CDC73: variants seen among roughly 807,000 people sequenced by gnomAD.
CDC73 encodes the protein parafibromin.
CDC73 carries 21 observed loss-of-function variants against 83.7 expected under a neutral mutation model. That is an observed-to-expected ratio of 0.25 (90% CI 0.18 to 0.36). The LOEUF (loss-of-function observed/expected upper bound fraction) is 0.36. Among genes scored for constraint, CDC73 ranks in the 10% least tolerant of loss-of-function variants. CDC73 has a pLI of 1.00. For missense variants in CDC73, 342 were observed against 653.3 expected (o/e 0.52, Z 5.19); for synonymous variants, 224 against 212.9 (o/e 1.05, Z -0.45).
intron 6 of CDC73, among the ~76,000 whole-genome samples, chr1:193,141,484 T>C (rs1226931196): frequency 6.6e-6 from 1 of 152,176 alleles, no homozygotes; most frequent in South Asian, 2.1e-4. Context: ...GGATGGATTT[T>C]TTACCTCCTT....
At chr1:193,140,544 T>C (rs1479374914) in intron 6 of CDC73, among the ~76,000 whole-genome samples, 1 of 152,176 alleles carries the variant, frequency 6.6e-6, no homozygotes, top group Non-Finnish European at 1.5e-5. Context: ...GCATCACTAC[T>C]CTTGTGTTTT....
intron 8 of CDC73, among the ~76,000 whole-genome samples, chr1:193,148,527 A>G (rs958525707): frequency 1.2e-4 from 18 of 152,172 alleles, no homozygotes; most frequent in Non-Finnish European, 2.1e-4. Flanking sequence ...ATTTTGTTGA[A>G]AATCCTTCCA....
intron 10 of CDC73, among the ~76,000 whole-genome samples, chr1:193,158,795 A>G (rs1467714331): frequency 2.0e-5 from 3 of 152,132 alleles, no homozygotes; most frequent in Non-Finnish European, 4.4e-5. Flanking sequence ...TATATATGTA[A>G]AAACTGTTTA....
rs578065254 is a variant in CDC73, at chr1:193,239,650, C to G, written c.1417+3294C>G. On this transcript the variant is annotated intron_variant, in intron 15 of 16. Coordinates refer to ENST00000367435, the MANE Select transcript of CDC73 (RefSeq NM_024529.5). ...AATATTTGTACATATTTATGGTGTA[C>G]ATGTGATATTTTGTTACATGGATAG... Among the ~76,000 whole-genome samples, 300 of 151,956 alleles carry G rather than the reference C, an allele frequency of 2.0e-3. 1 individual carries two copies. Among genetic ancestry groups the G allele is most frequent in the African/African-American group, 6.8e-3 (282 of 41,462 alleles).
chr1:193,185,734 T>A (rs1676795347), intron 10 of CDC73, among the ~76,000 whole-genome samples: 1 of 152,170 alleles, frequency 6.6e-6, no homozygotes, highest in Non-Finnish European at 1.5e-5. Flanking sequence ...GATTTTTTTT[T>A]AAGTTTAATT....
In CDC73 at chr1:193,202,613, CT is replaced by C. The variant is rs35435159; in HGVS notation, c.973-1164del. On this transcript the variant is annotated intron_variant, in intron 10 of 16. Transcript: ENST00000367435. Reference sequence around the variant, plus strand: ...AGGATATTTTGCTGTCCTCAGGTGTCTTTTTTTTTTTTTTTTTTCCTTCTTG... The same window carrying C: ...AGGATATTTTGCTGTCCTCAGGTGTCTTTTTTTTTTTTTTTTTCCTTCTTG... 8.1e-3 allele frequency among the ~76,000 whole-genome samples: 1,019 copies of C among 126,436 alleles called. 7 individuals are homozygous for C. Among genetic ancestry groups the C allele is most frequent in the African/African-American group, 0.017 (585 of 34,054 alleles). The allele number at this position is 126,436 out of a possible 152,430, so 82.9% of individuals were successfully genotyped here.
At chr1:193,174,221 G>T (rs1676566618) in intron 10 of CDC73, among the ~76,000 whole-genome samples, 1 of 151,730 alleles carries the variant, frequency 6.6e-6, no homozygotes, top group African/African-American at 2.4e-5. Flanking sequence ...CCTTCCAGTT[G>T]TTTGTCTGGA....
intron 10 of CDC73, among the ~76,000 whole-genome samples, chr1:193,162,600 C>G (rs915023743): frequency 6.6e-6 from 1 of 151,878 alleles, no homozygotes; most frequent in African/African-American, 2.4e-5. Flanking sequence ...AACTCCTGAC[C>G]TCAAGTAATC....
intron 15 of CDC73, among the ~76,000 whole-genome samples, chr1:193,246,188 C>G (rs1439601920): frequency 1.3e-5 from 2 of 151,888 alleles, no homozygotes; most frequent in African/African-American, 4.8e-5. Context: ...TTCATAAAGC[C>G]TTTTCCCAGA....
intron 15 of CDC73, among the ~76,000 whole-genome samples, chr1:193,247,530 A>G (rs1276284396): frequency 1.3e-5 from 2 of 152,174 alleles, no homozygotes; most frequent in Non-Finnish European, 2.9e-5. Flanking sequence ...AAAGTTAGAC[A>G]TGATTAAGCT....
chr1:193,130,424 A>G (rs977767462), intron 3 of CDC73, among the ~76,000 whole-genome samples, 181 bp downstream of exon 3: 3 of 152,218 alleles, frequency 2.0e-5, no homozygotes, highest in Admixed American at 2.0e-4. Flanking sequence ...CCTTATGGCC[A>G]GTCACCCCTT....
Position 193,127,223 on chromosome 1 carries a change from A to G in CDC73, c.237+2006A>G, listed in dbSNP as rs193107500. Among the ~76,000 whole-genome samples the G allele has an allele frequency of 2.0e-5, 3 of 151,988 alleles. No homozygotes were observed. In the East Asian group the frequency reaches 5.8e-4, roughly 29 times the overall value. ...CAGGAGGTTGAGGCTGCAGTAAGCC[A>G]TGATCACACCAATGCATCTATCCTG... On this transcript the variant is annotated intron_variant, in intron 2 of 16. Transcript: ENST00000367435.
At chr1:193,215,177 C>T (rs1392515880) in intron 13 of CDC73, among the ~76,000 whole-genome samples, 1 of 152,208 alleles carries the variant, frequency 6.6e-6, no homozygotes, top group African/African-American at 2.4e-5. Context: ...TAGACCTCAA[C>T]AGTTAGCCTT....
chr1:193,127,497 T>A (rs1166597927), intron 2 of CDC73, among the ~76,000 whole-genome samples: 1 of 152,188 alleles, frequency 6.6e-6, no homozygotes, highest in Admixed American at 6.5e-5. Context: ...TTTAAGGTTA[T>A]TTTAACTCAG....
At chr1:193,225,066 A>AT (rs1313396673) in intron 13 of CDC73, among the ~76,000 whole-genome samples, 1 of 151,410 alleles carries the variant, frequency 6.6e-6, no homozygotes, top group East Asian at 1.9e-4. Flanking sequence ...CCCAAAGTCA[A>AT]TTTCGTCATT....
chr1:193,205,402 T>A (rs1171607916), intron 11 of CDC73, among the ~76,000 whole-genome samples: 3 of 152,136 alleles, frequency 2.0e-5, no homozygotes, highest in Admixed American at 6.5e-5. Context: ...GAATATTAAA[T>A]ATTTTCTGGA....
At chr1:193,145,562 G>C (rs1294634036) in intron 7 of CDC73, among the ~76,000 whole-genome samples, 1 of 151,990 alleles carries the variant, frequency 6.6e-6, no homozygotes, top group Non-Finnish European at 1.5e-5. Flanking sequence ...CATGAAATAT[G>C]CTATTATGTT....
intron 3 of CDC73, among the ~76,000 whole-genome samples, chr1:193,135,083 C>G (rs921039567): frequency 6.6e-6 from 1 of 151,944 alleles, no homozygotes; most frequent in African/African-American, 2.4e-5. Context: ...TATGTGTTTA[C>G]TTACACCTTT....
chr1:193,252,917 G>A lies in CDC73; in HGVS notation c.*2205G>A, dbSNP rs931119008. 5 of 230,974 alleles carry A rather than the reference G, an allele frequency of 2.2e-5. No homozygotes were observed. Among genetic ancestry groups the A allele is most frequent in the East Asian group, 1.8e-4 (3 of 16,318 alleles). The allele number at this position is 230,974 out of a possible 1,614,324, so 14.3% of individuals were successfully genotyped here. ...CAAATTTATTATAAAAGTGTAGTTCGACTCTTCTTGGTCTTGGAGTTTGAG... is the reference window on the plus strand; with the variant it reads ...CAAATTTATTATAAAAGTGTAGTTCAACTCTTCTTGGTCTTGGAGTTTGAG... On this transcript the variant is annotated 3_prime_UTR_variant, in exon 17 of 17. Transcript: ENST00000367435.
Sources: allele counts gnomAD v4.1 joint callset (sites outside exome capture counted in the v4.1 genomes callset), GRCh38; gene constraint gnomAD v4.1.1; transcripts MANE v1.5; gene names NCBI Gene and HGNC (gene_info 2026-07-23, HGNC 2026-07-21).